NAMPT: variants seen among roughly 807,000 people sequenced by gnomAD.
NAMPT encodes the protein NAmPRTase.
Under a neutral mutation model 58.7 loss-of-function variants are expected in NAMPT, and 7 were observed. That is an observed-to-expected ratio of 0.12 (90% CI 0.07 to 0.22). The LOEUF (loss-of-function observed/expected upper bound fraction) is 0.22. Ranked by LOEUF, NAMPT falls within the 10% of genes least tolerant of loss-of-function variation. The pLI is 1.00. For missense variants in NAMPT, 271 were observed against 567.9 expected, an observed-to-expected ratio of 0.48 and a Z score of 5.31; for synonymous variants, 145 against 198.1, an observed-to-expected ratio of 0.73 and a Z score of 2.25.
chr7:106,256,506 ACATATTTTT>A (rs1174041665), intron 8 of NAMPT, among the ~76,000 whole-genome samples: 2 of 152,264 alleles, frequency 1.3e-5, no homozygotes, highest in Admixed American at 1.3e-4. Context: ...GCTTCTAAGA[ACATATTTTT>A]CATACCAATG....
In NAMPT at chr7:106,272,551, G is replaced by C. The variant is rs1792556986; in HGVS notation, c.426C>G (p.Tyr142Ter). ...FTVENTDPEC[Y>*]WLTNWIETIL... is the part of the protein sequence containing the mutation. Reference sequence around the variant, plus strand: ...TTACCTCAATCCAATTTGTAAGCCAGTAACACTCTGGATCTGTGTTTTCCA... The same window carrying C: ...TTACCTCAATCCAATTTGTAAGCCACTAACACTCTGGATCTGTGTTTTCCA... The change falls in exon 4 of 11, where the codon TAC becomes TAG. Residue 142 changes from tyrosine to a stop codon, truncating the protein, a stop_gained. Transcript: ENST00000222553. LOFTEE classifies it high-confidence loss of function. 1.2e-6 allele frequency: 2 copies of C among 1,611,904 alleles called. No homozygotes were observed. The highest frequency in any genetic ancestry group is 1.7e-6 in the Non-Finnish European group (2 of 1,178,724).
chr7:106,273,675 T>C (rs1792579593), intron 3 of NAMPT, among the ~76,000 whole-genome samples: 2 of 152,334 alleles, frequency 1.3e-5, no homozygotes, highest in Admixed American at 6.5e-5. Flanking sequence ...CTGGACAGTA[T>C]AGTAATAAGC....
At chr7:106,263,767 G>A in intron 6 of NAMPT, 150 bp from the exon 7 acceptor site, 1 of 670,446 alleles carries the variant, frequency 1.5e-6, no homozygotes, top group Non-Finnish European at 2.6e-6. Flanking sequence ...ACATCGTAAG[G>A]CAAATGAAGT....
chr7:106,285,506 GC>G, upstream of NAMPT: 1 of 980,798 alleles, frequency 1.0e-6, no homozygotes, highest in Non-Finnish European at 1.2e-6. Flanking sequence ...GCCTCCTACT[GC>G]CCATCTTCCC....
chr7:106,254,558 G>A lies in NAMPT; in HGVS notation c.1090-54C>T, dbSNP rs551619829. ...ACCAAACCTTAATTTGGAAGAGAAT[G>A]GAGATTATTTTCAAGGGACAATATT... On this transcript the variant is annotated intron_variant, in intron 8 of 10. Coordinates refer to ENST00000222553, the MANE Select transcript of NAMPT (RefSeq NM_005746.3). 32 of 1,564,990 alleles carry A rather than the reference G, an allele frequency of 2.0e-5. No individual in the cohort carries two copies. In the Admixed American group the frequency reaches 4.2e-4, roughly 21 times the overall value.
intron 8 of NAMPT, among the ~76,000 whole-genome samples, chr7:106,254,809 A>G (rs1383711552): frequency 6.6e-6 from 1 of 152,140 alleles, no homozygotes; most frequent in African/African-American, 2.4e-5. Context: ...AATATCTAAG[A>G]TTACTTGAGT....
intron 3 of NAMPT, among the ~76,000 whole-genome samples, chr7:106,273,187 G>A (rs189867636): frequency 8.7e-4 from 133 of 152,274 alleles, no homozygotes; most frequent in African/African-American, 3.0e-3. Context: ...TATTCTGGTC[G>A]TGGACCTGAA....
In NAMPT at chr7:106,250,933, A is replaced by G. The variant is rs1792095023; in HGVS notation, c.*150T>C. The G allele has an allele frequency of 9.5e-6, 6 of 632,586 alleles. No individual in the cohort carries two copies. The highest frequency in any genetic ancestry group is 1.8e-5 in the South Asian group (1 of 54,578). The allele number at this position is 632,586 out of a possible 1,614,324, so 39.2% of individuals were successfully genotyped here. On this transcript the variant is annotated 3_prime_UTR_variant, in exon 11 of 11. Coordinates refer to ENST00000222553, the MANE Select transcript of NAMPT (RefSeq NM_005746.3). ...TGCATTTCCTAATTTGAGATCACCT[A>G]AACACTGGAAAAGAAAAAAAATGAA...
rs1792068289 is a variant in NAMPT at position 106,249,184 on chromosome 7, T to C, written c.*1899A>G. 1 of 152,490 alleles carries C rather than the reference T, an allele frequency of 6.6e-6. No individual in the cohort carries two copies. Among genetic ancestry groups the C allele is most frequent in the African/African-American group, 2.4e-5 (1 of 41,434 alleles). The allele number at this position is 152,490 out of a possible 1,614,324, so 9.4% of individuals were successfully genotyped here. ...ATCTTTACTCAAATACATTAAAAAA[T>C]CATTTTAAAATTATTTTATATCATG... On this transcript the variant is annotated 3_prime_UTR_variant, in exon 11 of 11. Coordinates refer to ENST00000222553, the MANE Select transcript of NAMPT (RefSeq NM_005746.3).
chr7:106,274,854 C>CA (rs923149400), intron 3 of NAMPT, 92 bp downstream of exon 3: 30 of 847,428 alleles, frequency 3.5e-5, no homozygotes, highest in African/African-American at 1.5e-4. Flanking sequence ...CACTTTCTCT[C>CA]AAAAAACACA....
At chr7:106,265,907 T>C (rs568926341) in intron 6 of NAMPT, among the ~76,000 whole-genome samples, 26 of 152,348 alleles carry the variant, frequency 1.7e-4, no homozygotes, top group African/African-American at 6.3e-4. Flanking sequence ...GATTCATCTA[T>C]TAAGATACAT....
At chr7:106,254,892 A>G (rs1261719719) in intron 8 of NAMPT, among the ~76,000 whole-genome samples, 1 of 152,236 alleles carries the variant, frequency 6.6e-6, no homozygotes, top group Non-Finnish European at 1.5e-5. Flanking sequence ...CCAATTTACT[A>G]GACTCTAGGA....
chr7:106,278,706 C>T (rs1046109185), intron 1 of NAMPT, among the ~76,000 whole-genome samples: 3 of 152,122 alleles, frequency 2.0e-5, no homozygotes, highest in Admixed American at 6.5e-5. Context: ...AAGAAAAAGA[C>T]ACCTCTACCT....
intron 6 of NAMPT, among the ~76,000 whole-genome samples, chr7:106,267,126 C>T (rs149787676): frequency 1.3e-5 from 2 of 152,292 alleles, no homozygotes; most frequent in African/African-American, 4.8e-5. Flanking sequence ...TTTACCAATC[C>T]TTCAAGAAGT....
At chr7:106,261,840 T>A in intron 7 of NAMPT, 133 bp from the exon 8 acceptor site, 1 of 885,184 alleles carries the variant, frequency 1.1e-6, no homozygotes, top group Non-Finnish European at 1.7e-6. Context: ...TTTATAACAC[T>A]ATGTATATGC....
chr7:106,254,210 T>G (rs1319234516), intron 9 of NAMPT, among the ~76,000 whole-genome samples, 154 bp downstream of exon 9: 1 of 152,172 alleles, frequency 6.6e-6, no homozygotes, highest in Admixed American at 6.5e-5. Flanking sequence ...AATATCTCCC[T>G]TCTTTCCTTG....
intron 1 of NAMPT, among the ~76,000 whole-genome samples, chr7:106,283,537 GA>G (rs1367699085): frequency 6.6e-6 from 1 of 152,078 alleles, no homozygotes; most frequent in Non-Finnish European, 1.5e-5. Context: ...TTAAAATTTT[GA>G]AAACACTATG....
At chr7:106,283,574 G>A (rs958249283) in intron 1 of NAMPT, among the ~76,000 whole-genome samples, 1 of 152,058 alleles carries the variant, frequency 6.6e-6, no homozygotes, top group Admixed American at 6.5e-5. Flanking sequence ...CACAAGAGGA[G>A]GTTTTAGGAC....
At chr7:106,264,196 G>A (rs1792366558) in intron 6 of NAMPT, among the ~76,000 whole-genome samples, 2 of 152,038 alleles carry the variant, frequency 1.3e-5, no homozygotes, top group South Asian at 4.1e-4. Flanking sequence ...GTAATAGGAA[G>A]TCATGTATTT....
Sources: allele counts gnomAD v4.1 joint callset (sites outside exome capture counted in the v4.1 genomes callset), GRCh38; gene constraint gnomAD v4.1.1; transcripts MANE v1.5; gene names NCBI Gene and HGNC (gene_info 2026-07-23, HGNC 2026-07-21).